The following POT1 variants were observed in gnomAD, a reference collection of about 807,000 sequenced individuals.
POT1 encodes protection of telomeres protein 1.
In POT1, 47 loss-of-function variants were observed where a neutral mutation model predicts 78.5. That is an observed-to-expected ratio of 0.60 (90% confidence interval 0.47 to 0.76). The LOEUF (loss-of-function observed/expected upper bound fraction) is 0.76. Ranked by LOEUF, POT1 falls within the 30% of genes least tolerant of loss-of-function variation. The pLI is 0.00. For synonymous variants in POT1, 259 were observed against 260.7 expected (o/e 0.99, Z 0.06); for missense variants, 646 against 749.9 (o/e 0.86, Z 1.62).
At chr7:124,839,210 A>G (rs1794968492) in intron 14 of POT1, among the ~76,000 whole-genome samples, 1 of 152,196 alleles carries the variant, frequency 6.6e-6, no homozygotes, top group Non-Finnish European at 1.5e-5. Flanking sequence ...TTTTTAAGAA[A>G]TGGTACTGGA....
intron 6 of POT1, among the ~76,000 whole-genome samples, chr7:124,874,751 G>A (rs1324283223): frequency 6.7e-6 from 1 of 149,794 alleles, no homozygotes; most frequent in East Asian, 2.0e-4. Flanking sequence ...AAAAAAGGAA[G>A]ACAGAAAGAA....
intron 9 of POT1, 172 bp downstream of exon 9, chr7:124,858,785 T>C (rs968670234): frequency 9.0e-5 from 39 of 434,806 alleles, no homozygotes; most frequent in Non-Finnish European, 1.4e-4. Flanking sequence ...ATTAAGTTTA[T>C]CTTTTAATAA....
Position 124,914,572 on chromosome 7 carries a change from C to G in POT1, c.-154+1002G>C, listed in dbSNP as rs1041019537. ...AGCCCTGTATCTGCAAGTTTTGCAT[C>G]TGCAAATTCAACCAATTCAGACTGA... On this transcript the variant is annotated intron_variant, in intron 3 of 18. Transcript: ENST00000357628. Among the ~76,000 whole-genome samples the G allele has an allele frequency of 2.0e-5, 3 of 152,132 alleles. No homozygotes were observed. The South Asian group carries it at 6.2e-4, about 31-fold the overall frequency.
intron 6 of POT1, among the ~76,000 whole-genome samples, chr7:124,879,573 C>T (rs4379394): frequency 0.6 from 91,350 of 151,864 alleles, 27,600 homozygotes; most frequent in African/African-American, 0.65. Context: ...TAATGGCAAA[C>T]GACATGCTGA....
intron 2 of POT1, among the ~76,000 whole-genome samples, chr7:124,918,345 AG>A (rs1797067993): frequency 6.6e-6 from 1 of 152,138 alleles, no homozygotes; most frequent in South Asian, 2.1e-4. Context: ...CACTTCCTAG[AG>A]GGGGGACCAA....
chr7:124,897,543 C>T (rs1796521930), intron 4 of POT1, among the ~76,000 whole-genome samples: 1 of 151,762 alleles, frequency 6.6e-6, no homozygotes, highest in African/African-American at 2.4e-5. Context: ...TCCTATCAGT[C>T]CAATAGAAGT....
intron 6 of POT1, among the ~76,000 whole-genome samples, chr7:124,880,293 G>A (rs1423511503): frequency 1.3e-5 from 2 of 152,108 alleles, no homozygotes; most frequent in Non-Finnish European, 2.9e-5. Context: ...ATTTTAAGCT[G>A]CAGTAATTCT....
chr7:124,858,148 T>C (rs1056827560), intron 9 of POT1, among the ~76,000 whole-genome samples: 1 of 152,152 alleles, frequency 6.6e-6, no homozygotes, highest in African/African-American at 2.4e-5. Flanking sequence ...AATACCCTGC[T>C]TCAATCCAAC....
Position 124,863,332 on chromosome 7 carries a change from G to C in POT1, c.546+18C>G. On this transcript the variant is annotated intron_variant, in intron 8 of 18. Coordinates refer to ENST00000357628, the MANE Select transcript of POT1 (RefSeq NM_015450.3). Reference sequence around the variant, plus strand: ...AAGTGGTGCTAACTTATAATTCCCAGTATTAAAAAATATGTACCTTTAGAA... The same window carrying C: ...AAGTGGTGCTAACTTATAATTCCCACTATTAAAAAATATGTACCTTTAGAA... 6.3e-7 allele frequency: 1 copy of C among 1,597,790 alleles called. No homozygotes were observed. The highest frequency in any genetic ancestry group is 8.5e-7 in the Non-Finnish European group (1 of 1,172,496).
At chr7:124,852,090 T>C (rs1351618673) in intron 10 of POT1, 139 bp from the exon 11 acceptor site, 2 of 581,310 alleles carry the variant, frequency 3.4e-6, no homozygotes, top group African/African-American at 1.9e-5. Flanking sequence ...GTAAAGGATC[T>C]ATTGCTTTCA....
chr7:124,858,984 G>A lies in POT1; in HGVS notation c.675C>T (p.Asn225=), dbSNP rs1050055964. The change falls in exon 9 of 19, where the codon AAC becomes AAT. Residue 225 remains asparagine (N), a synonymous_variant. Coordinates refer to ENST00000357628, the MANE Select transcript of POT1 (RefSeq NM_015450.3). Reference sequence around the variant, plus strand: ...TCAGAGATCTTGCCACATGAACATGGTTATCGTAGACTAAAATGTCTATTG... The same window carrying A: ...TCAGAGATCTTGCCACATGAACATGATTATCGTAGACTAAAATGTCTATTG... ...NLTIDILVYD[N]HVHVARSLKV... is the part of the protein sequence containing the mutation. 2.5e-6 allele frequency: 4 copies of A among 1,610,718 alleles called. No individual in the cohort carries two copies. The highest frequency in any genetic ancestry group is 1.7e-5 in the Admixed American group (1 of 59,902).
intron 6 of POT1, among the ~76,000 whole-genome samples, chr7:124,876,837 T>C (rs1175755320): frequency 6.6e-6 from 1 of 152,184 alleles, no homozygotes; most frequent in Non-Finnish European, 1.5e-5. Context: ...CTACTGACTG[T>C]TCTACTCTAC....
intron 9 of POT1, among the ~76,000 whole-genome samples, chr7:124,855,513 T>C (rs1160774789): frequency 1.3e-5 from 2 of 151,854 alleles, no homozygotes; most frequent in Non-Finnish European, 2.9e-5. Context: ...CTAAAAATAC[T>C]ATGAAATGTG....
chr7:124,900,914 C>T (rs1271476620), intron 3 of POT1: 5 of 297,106 alleles, frequency 1.7e-5, no homozygotes, highest in Non-Finnish European at 2.9e-5. Context: ...CACAGCAGTC[C>T]CAGATTGAAC....
At position 124,881,258 on chromosome 7, in the gene POT1, C is replaced by G. The variant is rs1038873435; in HGVS notation, c.125-10217G>C. On this transcript the variant is annotated intron_variant, in intron 6 of 18. Transcript: ENST00000357628. Reference sequence around the variant, plus strand: ...ACATCAGTCATTTCCCCTAACTGATCTGTTATGCCAATATTAAGTGCCACG... The same window carrying G: ...ACATCAGTCATTTCCCCTAACTGATGTGTTATGCCAATATTAAGTGCCACG... Among the ~76,000 whole-genome samples, 4 of 152,054 alleles carry G rather than the reference C, an allele frequency of 2.6e-5. No homozygotes were observed. In the South Asian group the frequency reaches 6.2e-4, roughly 24 times the overall value.
intron 3 of POT1, among the ~76,000 whole-genome samples, chr7:124,903,179 T>C (rs1278525797): frequency 6.6e-6 from 1 of 152,202 alleles, no homozygotes; most frequent in Non-Finnish European, 1.5e-5. Context: ...GCGGACCTAA[T>C]AGACATCTAC....
intron 11 of POT1, among the ~76,000 whole-genome samples, chr7:124,850,361 T>C (rs1428851938): frequency 6.6e-6 from 1 of 152,186 alleles, no homozygotes; most frequent in African/African-American, 2.4e-5. Context: ...ATGATATCCA[T>C]CCATCAAAGC....
chr7:124,831,880 C>T (rs1386747699), intron 15 of POT1, among the ~76,000 whole-genome samples: 1 of 149,986 alleles, frequency 6.7e-6, no homozygotes, highest in Non-Finnish European at 1.5e-5. Context: ...GGCATAAAAA[C>T]ATTGATGAGA....
intron 6 of POT1, among the ~76,000 whole-genome samples, chr7:124,891,009 T>C (rs1431091695): frequency 5.3e-5 from 8 of 151,846 alleles, no homozygotes; most frequent in African/African-American, 9.7e-5. Flanking sequence ...ATTCTGCATA[T>C]GTCTGATACG....
Sources: allele counts gnomAD v4.1 joint callset (sites outside exome capture counted in the v4.1 genomes callset), GRCh38; gene constraint gnomAD v4.1.1; transcripts MANE v1.5; gene names NCBI Gene and HGNC (gene_info 2026-07-23, HGNC 2026-07-21).